The following LRRC9 variants were observed in gnomAD, a reference collection of about 807,000 sequenced individuals.
The protein encoded by LRRC9 is leucine rich repeat containing 9.
LRRC9 carries 122 observed loss-of-function variants against 63.2 expected under a neutral mutation model. The ratio of observed to expected loss-of-function variants is 1.93; its 90% confidence interval spans 1.67 to 2.24. LRRC9 has a LOEUF of 2.24. LRRC9 is among the 30% of genes most tolerant of loss of function. The pLI is 0.00. For missense variants in LRRC9, 1,071 were observed against 627.7 expected (o/e 1.71, Z -7.55); for synonymous variants, 366 against 213.1 (o/e 1.72, Z -6.25).
chr14:60,053,309 A>T lies in LRRC9; in HGVS notation c.4131+104A>T. ...AATGTTTAAACCTATGGCGTTTTTGATAAGGATGATCTTAGTATCTATTTA... is the reference window on the plus strand; with the variant it reads ...AATGTTTAAACCTATGGCGTTTTTGTTAAGGATGATCTTAGTATCTATTTA... On this transcript the variant is annotated intron_variant, in intron 30 of 31. Coordinates refer to ENST00000445360, the Ensembl canonical transcript of LRRC9. The surrounding 1 kb of genome is among the most constrained non-coding windows in gnomAD (Gnocchi z 4.8). The T allele has an allele frequency of 1.7e-6, 1 of 593,574 alleles. No individual in the cohort carries two copies. The highest frequency in any genetic ancestry group is 3.0e-6 in the Non-Finnish European group (1 of 332,686). The allele number at this position is 593,574 out of a possible 1,614,324, so 36.8% of individuals were successfully genotyped here.
At chr14:59,960,732 G>A (rs1884266571) in intron 9 of LRRC9, among the ~76,000 whole-genome samples, 182 bp from the exon 10 acceptor site, 1 of 152,130 alleles carries the variant, frequency 6.6e-6, no homozygotes, top group South Asian at 2.1e-4. Flanking sequence ...CAAAATTAAA[G>A]GTGATTTTAA....
intron 1 of LRRC9, among the ~76,000 whole-genome samples, chr14:59,921,717 A>ATTTTTTTTTT (rs57938700): frequency 8.3e-6 from 1 of 121,184 alleles, no homozygotes; most frequent in African/African-American, 3.1e-5. Flanking sequence ...GGGCAGTTGG[A>ATTTTTTTTTT]TTTTTTTTTT....
downstream of LRRC9, among the ~76,000 whole-genome samples, chr14:60,065,596 T>C (rs1253563): frequency 2.8e-4 from 30 of 108,020 alleles, no homozygotes; most frequent in Middle Eastern, 5.4e-3. Flanking sequence ...TGCAGTGAGC[T>C]GAGATGGCAC....
At chr14:60,010,444 C>T (rs1890170778) in intron 23 of LRRC9, among the ~76,000 whole-genome samples, 1 of 117,402 alleles carries the variant, frequency 8.5e-6, no homozygotes, top group African/African-American at 2.7e-5. Context: ...GTATGGGGGC[C>T]CTGGACCACT....
intron 7 of LRRC9, among the ~76,000 whole-genome samples, chr14:59,940,736 G>A (rs1378392408): frequency 6.6e-6 from 1 of 152,094 alleles, no homozygotes; most frequent in Non-Finnish European, 1.5e-5. Flanking sequence ...TAAGTGCTAT[G>A]AAACTATAGT....
chr14:60,022,318 T>C (rs1210581069), intron 26 of LRRC9, among the ~76,000 whole-genome samples: 1 of 151,874 alleles, frequency 6.6e-6, no homozygotes, highest in Non-Finnish European at 1.5e-5. Flanking sequence ...GAAAATTCAG[T>C]TGATTTTTGT....
intron 29 of LRRC9, among the ~76,000 whole-genome samples, chr14:60,048,639 T>G (rs1893636451): frequency 6.6e-6 from 1 of 151,962 alleles, no homozygotes; most frequent in Non-Finnish European, 1.5e-5. Context: ...GAAATTGAGA[T>G]AGTAATAAAT....
chr14:59,985,563 C>A (rs1276950349), intron 17 of LRRC9, among the ~76,000 whole-genome samples: 1 of 151,694 alleles, frequency 6.6e-6, no homozygotes, highest in Non-Finnish European at 1.5e-5. Context: ...AAAGGAACAG[C>A]TATAAAATAA....
At chr14:59,972,936 A>T (rs556743879) in intron 12 of LRRC9, among the ~76,000 whole-genome samples, 2 of 152,172 alleles carry the variant, frequency 1.3e-5, no homozygotes, top group Admixed American at 1.3e-4. Context: ...ACAACTGAAA[A>T]ATTTTATTAT....
rs1881322866 is a variant in LRRC9, at chr14:59,938,765, G to C, written c.726+193G>C. Reference sequence around the variant, plus strand: ...ATATTAATACTAGAATCTTAATTTTGATGACAGTACTGGAAGGTGAAATAA... The same window carrying C: ...ATATTAATACTAGAATCTTAATTTTCATGACAGTACTGGAAGGTGAAATAA... On this transcript the variant is annotated intron_variant, in intron 7 of 31. Transcript: ENST00000445360. This position sits in a 1 kb window ranked among gnomAD's most constrained non-coding sequence, Gnocchi z 4.2. Among the ~76,000 whole-genome samples, 1 of 150,826 alleles carries C rather than the reference G, an allele frequency of 6.6e-6. No homozygotes were observed. The highest frequency in any genetic ancestry group is 1.5e-5 in the Non-Finnish European group (1 of 67,756).
At chr14:59,965,394 A>T (rs770954875) in intron 10 of LRRC9, among the ~76,000 whole-genome samples, 28 of 152,128 alleles carry the variant, frequency 1.8e-4, no homozygotes, top group Admixed American at 5.9e-4. Flanking sequence ...TAGAAATTTT[A>T]TTTCTGGCTT....
chr14:60,064,074 C>T (rs1273338919), downstream of LRRC9, among the ~76,000 whole-genome samples: 1 of 152,140 alleles, frequency 6.6e-6, no homozygotes, highest in African/African-American at 2.4e-5. Context: ...TTTAATTACA[C>T]CTACAGTGAT....
intron 31 of LRRC9, 112 bp from the exon 32 acceptor site, chr14:60,061,899 G>T: frequency 2.5e-6 from 1 of 395,002 alleles, no homozygotes; most frequent in Middle Eastern, 6.4e-4. Flanking sequence ...AACATGTATT[G>T]CATACATTCC....
intron 8 of LRRC9, among the ~76,000 whole-genome samples, chr14:59,951,571 G>A (rs1054161039): frequency 4.1e-5 from 6 of 147,284 alleles, no homozygotes; most frequent in South Asian, 4.5e-4. Context: ...GATGAGAGGC[G>A]CTCTGCGTTT....
intron 14 of LRRC9, among the ~76,000 whole-genome samples, 156 bp from the exon 15 acceptor site, chr14:59,977,859 TGA>T (rs1484822627): frequency 6.6e-6 from 1 of 152,116 alleles, no homozygotes; most frequent in Non-Finnish European, 1.5e-5. Flanking sequence ...CGCAACTTAC[TGA>T]GTTTGTTATT....
At chr14:59,994,814 A>G (rs1594971349) in intron 17 of LRRC9, among the ~76,000 whole-genome samples, 1 of 151,776 alleles carries the variant, frequency 6.6e-6, no homozygotes, top group Non-Finnish European at 1.5e-5. Context: ...TGAACAATGA[A>G]AACACATGGA....
intron 17 of LRRC9, among the ~76,000 whole-genome samples, chr14:59,992,932 A>G (rs1353327424): frequency 1.3e-5 from 2 of 152,196 alleles, no homozygotes; most frequent in Non-Finnish European, 2.9e-5. Flanking sequence ...GTAGGCCAAC[A>G]TTCAAATTCA....
exon 17 of LRRC9, chr14:59,985,187 T>G: frequency 1.4e-6 from 1 of 691,396 alleles, no homozygotes; most frequent in Non-Finnish European, 2.6e-6. Context: ...AACATTAGCT[T>G]TAATGAATTT....
At chr14:60,038,169 C>G (rs1368130871) in intron 29 of LRRC9, among the ~76,000 whole-genome samples, 2 of 152,082 alleles carry the variant, frequency 1.3e-5, no homozygotes, top group Admixed American at 6.6e-5. Flanking sequence ...GTTACTGTAG[C>G]CTTGTAGTAT....
Sources: allele counts gnomAD v4.1 joint callset (sites outside exome capture counted in the v4.1 genomes callset), GRCh38; gene constraint gnomAD v4.1.1; non-coding constraint Gnocchi (gnomAD v3.1); transcripts MANE v1.5; gene names NCBI Gene and HGNC (gene_info 2026-07-23, HGNC 2026-07-21).